The following POC1B variants were observed in gnomAD, a reference collection of about 807,000 sequenced individuals.
POC1B encodes the protein POC1 centriolar protein homolog B.
In POC1B, 44 loss-of-function variants were observed where a neutral mutation model predicts 60.6. That is an observed-to-expected ratio of 0.73 (90% CI 0.57 to 0.93). The LOEUF is 0.93. Among genes scored for constraint, POC1B ranks in the 40% least tolerant of loss-of-function variants. The probability of loss-of-function intolerance (pLI) is 0.00; values close to 1 mark genes in which losing one functional copy is unlikely to be tolerated. For synonymous variants in POC1B, 180 were observed against 198.9 expected (o/e 0.90, Z 0.80); for missense variants, 555 against 572.3 (o/e 0.97, Z 0.31).
intron 10 of POC1B, among the ~76,000 whole-genome samples, chr12:89,435,868 T>C (rs1396648427): frequency 6.6e-6 from 1 of 152,010 alleles, no homozygotes; most frequent in Non-Finnish European, 1.5e-5. Flanking sequence ...TGATAATATA[T>C]CTTTTCTCAA....
intron 4 of POC1B, among the ~76,000 whole-genome samples, chr12:89,486,649 T>A (rs2135732919): frequency 6.6e-6 from 1 of 151,270 alleles, no homozygotes; most frequent in East Asian, 1.9e-4. Context: ...GGGTGGAGGG[T>A]GGGAGGAGGT....
At chr12:89,422,827 A>G (rs530397861) in intron 11 of POC1B, among the ~76,000 whole-genome samples, 1 of 152,332 alleles carries the variant, frequency 6.6e-6, no homozygotes, top group South Asian at 2.1e-4. Flanking sequence ...AACCAGTTTT[A>G]AGATAAAAAA....
chr12:89,510,784 G>T (rs1870142276), intron 2 of POC1B, among the ~76,000 whole-genome samples: 1 of 101,404 alleles, frequency 9.9e-6, no homozygotes, highest in Admixed American at 1.0e-4. Context: ...TTGATATGGA[G>T]TCTCATTCTG....
At chr12:89,436,350 T>C (rs1881266118) in intron 10 of POC1B, among the ~76,000 whole-genome samples, 1 of 152,196 alleles carries the variant, frequency 6.6e-6, no homozygotes, top group African/African-American at 2.4e-5. Context: ...TTCATAGCCA[T>C]TAAACATGAT....
intron 2 of POC1B, among the ~76,000 whole-genome samples, chr12:89,511,779 T>C (rs1870200323): frequency 6.6e-6 from 1 of 152,170 alleles, no homozygotes; most frequent in Admixed American, 6.5e-5. Flanking sequence ...AGATGGGGCC[T>C]GGCATAATGG....
chr12:89,407,411 A>G, the POC1B span, among the ~76,000 whole-genome samples: 1 of 151,032 alleles, frequency 6.6e-6, no homozygotes, highest in Non-Finnish European at 1.5e-5. Context: ...TTTTTTTTGT[A>G]TTTTTAGTAG....
the POC1B span, among the ~76,000 whole-genome samples, chr12:89,410,992 C>T: frequency 6.6e-6 from 1 of 152,014 alleles, no homozygotes; most frequent in Non-Finnish European, 1.5e-5. Flanking sequence ...ACACAGAGAG[C>T]CAAATCATGA....
rs371725174 is a variant in POC1B, at chr12:89,455,090, T to C, written c.1113+4548A>G. Among the ~76,000 whole-genome samples the C allele has an allele frequency of 3.3e-5, 5 of 152,280 alleles. No individual in the cohort carries two copies. The East Asian group carries it at 9.6e-4, about 29-fold the overall frequency. On this transcript the variant is annotated intron_variant, in intron 10 of 11. Transcript: ENST00000313546. Reference sequence around the variant, plus strand: ...GGCTCATGCCTATAATCTCAGCACTTTGAGAGGCCGAGGTGGGTGGATCAC... The same window carrying C: ...GGCTCATGCCTATAATCTCAGCACTCTGAGAGGCCGAGGTGGGTGGATCAC...
In POC1B at chr12:89,497,289, T is replaced by C; in HGVS notation, c.154A>G (p.Arg52Gly). The stretch of plus-strand genomic sequence containing the variant: ...TTGTGACCCACATATCTGTAAGCTC[T>C]AGCATGTGGCTTGAAATTCCATAGC... ...LMLWNFKPHARAYRYVGHKDV... is the reference protein window; with the variant it reads ...LMLWNFKPHAGAYRYVGHKDV... Residue 52 changes from arginine to glycine, a missense_variant, in exon 3 of 12, where the codon AGA (arginine) becomes GGA (glycine). Arg to Gly is a moderately radical substitution (Grantham distance 125, BLOSUM62 -2). Coordinates refer to ENST00000313546, the MANE Select transcript of POC1B (RefSeq NM_172240.3). 6 of 1,612,818 alleles carry C rather than the reference T, an allele frequency of 3.7e-6. No individual in the cohort carries two copies. The highest frequency in any genetic ancestry group is 5.1e-6 in the Non-Finnish European group (6 of 1,179,670).
chr12:89,468,629 T>C (rs1175800161), intron 7 of POC1B, among the ~76,000 whole-genome samples: 3 of 151,808 alleles, frequency 2.0e-5, no homozygotes, highest in Non-Finnish European at 4.4e-5. Flanking sequence ...CCCTATTATT[T>C]TGTACTTTTT....
intron 11 of POC1B, among the ~76,000 whole-genome samples, chr12:89,423,773 G>A (rs1338756443): frequency 6.6e-6 from 1 of 152,118 alleles, no homozygotes; most frequent in African/African-American, 2.4e-5. Context: ...AAAAATCATA[G>A]AGAAATTCAG....
chr12:89,492,546 T>C (rs561582122), intron 3 of POC1B, among the ~76,000 whole-genome samples: 83 of 152,276 alleles, frequency 5.5e-4, no homozygotes, highest in Non-Finnish European at 7.2e-4. Context: ...ATCATATTGA[T>C]ACTCAAGATA....
chr12:89,421,111 T>C lies in POC1B; in HGVS notation c.*42A>G, dbSNP rs779545040. The stretch of plus-strand genomic sequence containing the variant: ...TCCTGAGTGTATGTACATTTGTTCA[T>C]TTATTGGGCCTCTGCCCAACAAATG... On this transcript the variant is annotated 3_prime_UTR_variant, in exon 12 of 12. Transcript: ENST00000313546. 6.8e-7 allele frequency: 1 copy of C among 1,472,074 alleles called. No homozygotes were observed. Among genetic ancestry groups the C allele is most frequent in the South Asian group, 1.2e-5 (1 of 83,850 alleles). The allele number at this position is 1,472,074 out of a possible 1,614,324, so 91.2% of individuals were successfully genotyped here.
chr12:89,426,521 A>C (rs1880772080), intron 10 of POC1B: 1 of 152,202 alleles, frequency 6.6e-6, no homozygotes, highest in South Asian at 2.1e-4. Flanking sequence ...AATATTTATG[A>C]AAAAAGTTAA....
At chr12:89,441,891 T>C (rs2120726539) in intron 10 of POC1B, among the ~76,000 whole-genome samples, 1 of 152,232 alleles carries the variant, frequency 6.6e-6, no homozygotes, top group African/African-American at 2.4e-5. Context: ...ATTAGACGAA[T>C]GGCTAACTAG....
downstream of POC1B, among the ~76,000 whole-genome samples, chr12:89,415,151 T>A (rs1259884332): frequency 1.3e-5 from 2 of 152,196 alleles, no homozygotes; most frequent in African/African-American, 4.8e-5. Context: ...AACTTTGAGG[T>A]TTTCTATGTA....
intron 4 of POC1B, among the ~76,000 whole-genome samples, chr12:89,479,122 C>T (rs1284437776): frequency 6.6e-6 from 1 of 152,166 alleles, no homozygotes. Flanking sequence ...CACTCAAACA[C>T]AATTACACTT....
intron 10 of POC1B, among the ~76,000 whole-genome samples, chr12:89,449,373 T>C (rs946803161): frequency 3.3e-5 from 5 of 152,248 alleles, no homozygotes; most frequent in East Asian, 1.9e-4. Context: ...TGCTCCTAAA[T>C]TGATTTACTG....
chr12:89,478,173 G>A (rs2135725145), intron 4 of POC1B, among the ~76,000 whole-genome samples: 1 of 152,208 alleles, frequency 6.6e-6, no homozygotes, highest in African/African-American at 2.4e-5. Flanking sequence ...GCAATGGCGG[G>A]ATCTTAGCTC....
Sources: gnomAD v4.1 joint callset for allele counts (sites outside exome capture counted in the v4.1 genomes callset) on GRCh38, gnomAD v4.1.1 for gene constraint, MANE v1.5 for transcripts, NCBI Gene and HGNC (gene_info 2026-07-23, HGNC 2026-07-21) for gene names.